FAM149B1: variants seen among roughly 807,000 people sequenced by gnomAD.
The protein encoded by FAM149B1 is primary cilium assembly protein FAM149B1.
In FAM149B1, 56 loss-of-function variants were observed where a neutral mutation model predicts 75.3. The ratio of observed to expected loss-of-function variants is 0.74; its 90% CI spans 0.60 to 0.93. The LOEUF (loss-of-function observed/expected upper bound fraction) is 0.93, where lower values mean the gene tolerates loss of function less well. Ranked by LOEUF, FAM149B1 falls within the 40% of genes least tolerant of loss-of-function variation. FAM149B1 has a pLI of 0.00. For missense variants in FAM149B1, 639 were observed against 708.4 expected, an observed-to-expected ratio of 0.90 and a Z score of 1.11; for synonymous variants, 259 against 256.1, an observed-to-expected ratio of 1.01 and a Z score of -0.11.
At chr10:73,200,331 C>T (rs1452034332) in intron 5 of FAM149B1, 1 of 454,388 alleles carries the variant, frequency 2.2e-6, no homozygotes, top group Non-Finnish European at 4.3e-6. Context: ...AGCGAAACTA[C>T]ATCGCAAAAA....
chr10:73,172,769 CAT>C (rs1395380598), intron 1 of FAM149B1, among the ~76,000 whole-genome samples: 1 of 151,940 alleles, frequency 6.6e-6, no homozygotes, highest in African/African-American at 2.4e-5. Context: ...ATATAAGCCA[CAT>C]ATGTAATTTA....
intron 7 of FAM149B1, among the ~76,000 whole-genome samples, chr10:73,221,041 G>T (rs2043401858): frequency 6.6e-6 from 1 of 152,148 alleles, no homozygotes; most frequent in Admixed American, 6.5e-5. Flanking sequence ...CATGTATATG[G>T]TATGATTCCA....
chr10:73,200,280 C>T (rs1301686403), intron 5 of FAM149B1: 6 of 295,328 alleles, frequency 2.0e-5, no homozygotes, highest in Non-Finnish European at 3.3e-5. Context: ...TGCAGTGAGC[C>T]GAGATTGCAC....
chr10:73,224,303 A>G (rs1362662769), intron 7 of FAM149B1, among the ~76,000 whole-genome samples: 1 of 152,186 alleles, frequency 6.6e-6, no homozygotes, highest in African/African-American at 2.4e-5. Context: ...TGTGTACACT[A>G]GTACATACTC....
intron 5 of FAM149B1, among the ~76,000 whole-genome samples, chr10:73,203,825 GA>G (rs1242691531): frequency 6.6e-6 from 1 of 151,816 alleles, no homozygotes; most frequent in African/African-American, 2.4e-5. Context: ...CTTTTTTGCA[GA>G]AACCAAGTTT....
chr10:73,234,602 C>A, intron 10 of FAM149B1: 1 of 533,504 alleles, frequency 1.9e-6, no homozygotes, highest in Non-Finnish European at 3.3e-6. Flanking sequence ...CTGTTGTGTA[C>A]CCAGAGTATA....
chr10:73,177,052 A>G (rs1253363792), intron 2 of FAM149B1, among the ~76,000 whole-genome samples: 3 of 151,880 alleles, frequency 2.0e-5, no homozygotes, highest in African/African-American at 7.3e-5. Flanking sequence ...AGTACAAACA[A>G]AATTAGCCAG....
intron 13 of FAM149B1, among the ~76,000 whole-genome samples, chr10:73,240,370 T>C (rs576649448): frequency 6.6e-6 from 1 of 152,314 alleles, no homozygotes; most frequent in African/African-American, 2.4e-5. Flanking sequence ...TTTTGTCAGA[T>C]TATGCTTTCA....
intron 7 of FAM149B1, among the ~76,000 whole-genome samples, chr10:73,219,396 G>T (rs1034621328): frequency 1.3e-5 from 2 of 152,104 alleles, no homozygotes; most frequent in Non-Finnish European, 2.9e-5. Context: ...TTGTAGAAAT[G>T]GGCAAGCTGA....
At chr10:73,229,966 T>A (rs138907955) in intron 8 of FAM149B1, among the ~76,000 whole-genome samples, 7 of 152,164 alleles carry the variant, frequency 4.6e-5, no homozygotes, top group Admixed American at 6.5e-5. Context: ...TAGGTTATCA[T>A]TGAGGGCTGA....
At chr10:73,181,350 T>C (rs950508584) in intron 3 of FAM149B1, among the ~76,000 whole-genome samples, 1 of 152,210 alleles carries the variant, frequency 6.6e-6, no homozygotes, top group African/African-American at 2.4e-5. Context: ...AGATTGTTCA[T>C]GTGAAGTTTT....
At chr10:73,211,841 A>T (rs1375532263) in intron 7 of FAM149B1, among the ~76,000 whole-genome samples, 4 of 151,862 alleles carry the variant, frequency 2.6e-5, no homozygotes, top group Non-Finnish European at 1.5e-5. Context: ...TGTATTTCTT[A>T]GTGGTGAAAT....
intron 5 of FAM149B1, among the ~76,000 whole-genome samples, chr10:73,198,823 A>C (rs1406992213): frequency 6.6e-6 from 1 of 152,124 alleles, no homozygotes; most frequent in Non-Finnish European, 1.5e-5. Context: ...AATAATAATA[A>C]TTCAATTGAA....
In FAM149B1 at chr10:73,244,206, G is replaced by C. The variant is rs747720977; in HGVS notation, c.*3187G>C. The C allele has an allele frequency of 3.6e-5, 14 of 391,644 alleles. No homozygotes were observed. Among genetic ancestry groups the C allele is most frequent in the Non-Finnish European group, 5.5e-5 (12 of 217,840 alleles). The allele number at this position is 391,644 out of a possible 1,614,324, so 24.3% of individuals were successfully genotyped here. On this transcript the variant is annotated 3_prime_UTR_variant, in exon 14 of 14. Transcript: ENST00000242505. Reference sequence around the variant, plus strand: ...TCATAAATCACATGATGATAAAAAGGAACATGAGGCCGGGTATGGTGGCTC... The same window carrying C: ...TCATAAATCACATGATGATAAAAAGCAACATGAGGCCGGGTATGGTGGCTC...
intron 3 of FAM149B1, among the ~76,000 whole-genome samples, chr10:73,183,021 C>T (rs1458339386): frequency 1.3e-5 from 2 of 152,190 alleles, no homozygotes; most frequent in Admixed American, 1.3e-4. Context: ...CCTGTTGTCT[C>T]TGTCTCCCTG....
In FAM149B1 at chr10:73,168,398, G is replaced by A. The variant is rs1233470575; in HGVS notation, c.47+12G>A. ...CAGAGCTTGGAGCTGTGAGTGGACT[G>A]CTCAGCCACCCCAGCCGGGGCGGGC... On this transcript the variant is annotated intron_variant, in intron 1 of 13. Coordinates refer to ENST00000242505, the MANE Select transcript of FAM149B1 (RefSeq NM_173348.2). The A allele has an allele frequency of 6.5e-7, 1 of 1,549,438 alleles. No individual in the cohort carries two copies. The highest frequency in any genetic ancestry group is 2.5e-5 in the East Asian group (1 of 40,798).
intron 12 of FAM149B1, among the ~76,000 whole-genome samples, chr10:73,238,351 C>T (rs1247644733): frequency 1.3e-5 from 2 of 152,090 alleles, no homozygotes; most frequent in Non-Finnish European, 2.9e-5. Flanking sequence ...CTCTGTCCCC[C>T]CACAAAAAAA....
At chr10:73,212,042 T>C (rs948826242) in intron 7 of FAM149B1, among the ~76,000 whole-genome samples, 3 of 152,166 alleles carry the variant, frequency 2.0e-5, no homozygotes, top group African/African-American at 7.2e-5. Flanking sequence ...AGTGAGAACA[T>C]GTGGTATTTG....
intron 7 of FAM149B1, among the ~76,000 whole-genome samples, chr10:73,216,648 C>G (rs2043304723): frequency 6.6e-6 from 1 of 152,054 alleles, no homozygotes; most frequent in South Asian, 2.1e-4. Context: ...GCAGCCTATA[C>G]CAGGGAATTA....
Sources: gnomAD v4.1 joint callset for allele counts (sites outside exome capture counted in the v4.1 genomes callset) on GRCh38, gnomAD v4.1.1 for gene constraint, MANE v1.5 for transcripts, NCBI Gene and HGNC (gene_info 2026-07-23, HGNC 2026-07-21) for gene names.